The following SV2C variants were observed in gnomAD, a reference collection of about 807,000 sequenced individuals.
SV2C encodes solute carrier family 22 member B3.
A neutral mutation model predicts 79.7 loss-of-function variants in SV2C; 49 were observed. That is an observed-to-expected ratio of 0.61 (90% CI 0.49 to 0.78). The LOEUF (loss-of-function observed/expected upper bound fraction) is 0.78, where lower values mean the gene tolerates loss of function less well. Ranked by LOEUF, SV2C falls within the 30% of genes least tolerant of loss-of-function variation. The pLI is 0.00. For synonymous variants in SV2C, 334 were observed against 333.2 expected, an observed-to-expected ratio of 1.00 and a Z score of -0.03; for missense variants, 833 against 912.9, an observed-to-expected ratio of 0.91 and a Z score of 1.13.
downstream of SV2C, among the ~76,000 whole-genome samples, chr5:76,334,918 A>G (rs535063503): frequency 6.6e-6 from 1 of 152,344 alleles, no homozygotes; most frequent in East Asian, 1.9e-4. Context: ...GTTTGTAAGC[A>G]AGGAAAAAGG....
chr5:75,927,953 G>C, the SV2C span, among the ~76,000 whole-genome samples: 1 of 152,196 alleles, frequency 6.6e-6, no homozygotes, highest in Admixed American at 6.5e-5. Flanking sequence ...CATATCCGGG[G>C]TTGAGGGAGA....
At chr5:76,032,789 T>C in the SV2C span, among the ~76,000 whole-genome samples, 1 of 152,224 alleles carries the variant, frequency 6.6e-6, no homozygotes, top group African/African-American at 2.4e-5. Context: ...GGTCAAATGG[T>C]ATTTCTAGCT....
chr5:76,182,065 C>G (rs1743751940), intron 2 of SV2C, among the ~76,000 whole-genome samples: 1 of 151,966 alleles, frequency 6.6e-6, no homozygotes, highest in South Asian at 2.1e-4. Flanking sequence ...GCCATTCCAC[C>G]TATCCTCTCA....
chr5:75,852,840 A>AAAG, the SV2C span, among the ~76,000 whole-genome samples: 8 of 148,156 alleles, frequency 5.4e-5, no homozygotes, highest in East Asian at 1.2e-3. Flanking sequence ...AAAAAAAAAA[A>AAAG]AAAGAAAAAA....
intron 12 of SV2C, among the ~76,000 whole-genome samples, chr5:76,306,570 G>C (rs1341133731): frequency 6.6e-6 from 1 of 152,152 alleles, no homozygotes; most frequent in African/African-American, 2.4e-5. Flanking sequence ...TAAAACCTTA[G>C]CTGCTAGTTA....
chr5:75,948,791 G>A, the SV2C span, among the ~76,000 whole-genome samples: 1 of 151,996 alleles, frequency 6.6e-6, no homozygotes, highest in Non-Finnish European at 1.5e-5. Context: ...TAATCTTGGG[G>A]TGGGCTGTGG....
At chr5:76,201,801 G>A (rs1248255816) in intron 3 of SV2C, among the ~76,000 whole-genome samples, 3 of 151,968 alleles carry the variant, frequency 2.0e-5, no homozygotes, top group South Asian at 4.2e-4. Context: ...GGCGGATCAC[G>A]AGGTCAGGAG....
At chr5:76,214,606 T>C (rs1744862563) in intron 4 of SV2C, among the ~76,000 whole-genome samples, 3 of 152,238 alleles carry the variant, frequency 2.0e-5, no homozygotes, top group Admixed American at 2.0e-4. Flanking sequence ...ACTCTGTAGA[T>C]CTGTTTGAGT....
At chr5:76,038,017 T>C in the SV2C span, among the ~76,000 whole-genome samples, 10 of 152,216 alleles carry the variant, frequency 6.6e-5, no homozygotes, top group African/African-American at 2.4e-4. Context: ...AGGTGCCGTC[T>C]GTCACCACTT....
At chr5:76,080,173 T>TA (rs1238786113), upstream of SV2C, among the ~76,000 whole-genome samples, 1 of 152,138 alleles carries the variant, frequency 6.6e-6, no homozygotes, top group Non-Finnish European at 1.5e-5. Flanking sequence ...AATATTGACT[T>TA]AGATATTAAA....
the SV2C span, among the ~76,000 whole-genome samples, chr5:75,882,736 T>C: frequency 2.6e-5 from 4 of 151,252 alleles, no homozygotes; most frequent in Non-Finnish European, 5.9e-5. Flanking sequence ...TTACACCTTA[T>C]ACAAAAATTA....
the SV2C span, among the ~76,000 whole-genome samples, chr5:75,883,869 T>A: frequency 6.6e-6 from 1 of 151,758 alleles, no homozygotes; most frequent in African/African-American, 2.4e-5. Flanking sequence ...AAAAAAACAT[T>A]TCTTTCAGGT....
At chr5:75,960,453 T>C in the SV2C span, among the ~76,000 whole-genome samples, 2 of 152,008 alleles carry the variant, frequency 1.3e-5, no homozygotes, top group African/African-American at 2.4e-5. Flanking sequence ...GCACAATGCA[T>C]TACTTTTTCT....
the SV2C span, among the ~76,000 whole-genome samples, chr5:75,925,523 T>C: frequency 6.6e-6 from 1 of 152,040 alleles, no homozygotes. Context: ...CCTTCCAATC[T>C]CCATACACAT....
At chr5:75,872,376 T>C in the SV2C span, among the ~76,000 whole-genome samples, 3 of 152,098 alleles carry the variant, frequency 2.0e-5, no homozygotes, top group Admixed American at 2.0e-4. Context: ...AACTCCAATT[T>C]GGTTCTTCTT....
At chr5:76,259,324 GC>G (rs879561471) in intron 4 of SV2C, among the ~76,000 whole-genome samples, 7 of 152,186 alleles carry the variant, frequency 4.6e-5, no homozygotes, top group African/African-American at 1.2e-4. Context: ...AATGACACTT[GC>G]CCCGTGTCCT....
the SV2C span, among the ~76,000 whole-genome samples, chr5:76,040,819 G>A: frequency 6.6e-6 from 1 of 152,182 alleles, no homozygotes; most frequent in African/African-American, 2.4e-5. Flanking sequence ...CATTTTGAAT[G>A]CTACTCTTCT....
At chr5:75,949,417 G>A in the SV2C span, among the ~76,000 whole-genome samples, 2 of 152,030 alleles carry the variant, frequency 1.3e-5, no homozygotes, top group African/African-American at 4.8e-5. Context: ...AGGGGCAAAA[G>A]TAGAGAAGCC....
chr5:75,859,328 G>A, the SV2C span, among the ~76,000 whole-genome samples: 8 of 152,178 alleles, frequency 5.3e-5, no homozygotes, highest in African/African-American at 1.4e-4. Flanking sequence ...CTTCACATAC[G>A]AGGGCATTTA....
Sources: allele counts gnomAD v4.1 joint callset (sites outside exome capture counted in the v4.1 genomes callset), GRCh38; gene constraint gnomAD v4.1.1; transcripts MANE v1.5; gene names NCBI Gene and HGNC (gene_info 2026-07-23, HGNC 2026-07-21).